Variants in WDR45B observed in about 807,000 individuals in gnomAD.
WDR45B encodes WD repeat domain phosphoinositide-interacting protein 3.
WDR45B carries 20 observed loss-of-function variants against 44.6 expected under a neutral mutation model. That is an observed-to-expected ratio of 0.45 (90% CI 0.32 to 0.65). WDR45B has a LOEUF of 0.65. WDR45B is among the 30% of genes least tolerant of loss of function. The pLI is 0.05. For synonymous variants in WDR45B, 169 were observed against 164.9 expected, an observed-to-expected ratio of 1.02 and a Z score of -0.19; for missense variants, 323 against 430.2, an observed-to-expected ratio of 0.75 and a Z score of 2.20.
chr17:82,648,007 G>A (rs2046003365), intron 1 of WDR45B, among the ~76,000 whole-genome samples: 1 of 132,580 alleles, frequency 7.5e-6, no homozygotes, highest in African/African-American at 2.8e-5. Context: ...CGGGACGGCC[G>A]GCTGGGAGCG....
rs1161169487 is a variant in WDR45B at position 82,625,450 on chromosome 17, C to G, written c.366G>C (p.Val122=). The change falls in exon 5 of 10, where the codon GTG becomes GTC. Residue 122 remains valine, a synonymous_variant. Transcript: ENST00000392325. ...GATGGGGATTGTGTGTGAATGTGAA[C>G]ACCTTAATCATGGAGTCCAAAACCA... ...IVVVLDSMIK[V]FTFTHNPHQL... 6.2e-7 allele frequency: 1 copy of G among 1,614,204 alleles called. No individual in the cohort carries two copies. The highest frequency in any genetic ancestry group is 1.1e-5 in the South Asian group (1 of 91,084).
chr17:82,624,028 A>G (rs2045658325), intron 5 of WDR45B, among the ~76,000 whole-genome samples: 2 of 152,036 alleles, frequency 1.3e-5, no homozygotes, highest in East Asian at 1.9e-4. Context: ...CACAACCACA[A>G]CATGGTTGTG....
intron 3 of WDR45B, among the ~76,000 whole-genome samples, chr17:82,627,922 A>G (rs2045720083): frequency 6.6e-6 from 1 of 152,238 alleles, no homozygotes. Flanking sequence ...TTTTAAAGTG[A>G]AATCAGAGGG....
rs2045506521 is a variant in WDR45B at position 82,614,654 on chromosome 17, CAT to C, written c.*1263_*1264del. The stretch of plus-strand genomic sequence containing the variant: ...AAATTAAACATCATGATTAAATACA[CAT>C]GAAAGGAACATGCATACTTTACAGC... On this transcript the variant is annotated 3_prime_UTR_variant, in exon 10 of 10. Coordinates refer to ENST00000392325, the MANE Select transcript of WDR45B (RefSeq NM_019613.4). The C allele has an allele frequency of 6.6e-6, 1 of 152,560 alleles. No homozygotes were observed. Among genetic ancestry groups the C allele is most frequent in the South Asian group, 2.1e-4 (1 of 4,830 alleles). The allele number at this position is 152,560 out of a possible 1,614,324, so 9.5% of individuals were successfully genotyped here. A position where few individuals can be genotyped will look rare whatever the true frequency, so the allele number is the denominator to read the frequency against.
chr17:82,648,379 TGCCTCTCGCTGGGGACGGCG>T lies in WDR45B; in HGVS notation c.-59_-40del, dbSNP rs1003760174. 1 of 1,594,184 alleles carries T rather than the reference TGCCTCTCGCTGGGGACGGCG, an allele frequency of 6.3e-7. No homozygotes were observed. The highest frequency in any genetic ancestry group is 8.5e-7 in the Non-Finnish European group (1 of 1,172,254). Reference sequence around the variant, plus strand: ...TGGGTCGCCGCTCCTCAGCGCTGCATGCCTCTCGCTGGGGACGGCGGCCTGGTCCCTTCGGGCCGGCGCTG... The same window carrying T: ...TGGGTCGCCGCTCCTCAGCGCTGCATGCCTGGTCCCTTCGGGCCGGCGCTG... On this transcript the variant is annotated 5_prime_UTR_variant, in exon 1 of 10. Coordinates refer to ENST00000392325, the MANE Select transcript of WDR45B (RefSeq NM_019613.4).
chr17:82,643,840 TTTAC>T (rs1568017963), intron 2 of WDR45B, 105 bp downstream of exon 2: 6 of 1,069,706 alleles, frequency 5.6e-6, no homozygotes, highest in Non-Finnish European at 8.5e-6. Flanking sequence ...ATGAACCCTA[TTTAC>T]TTCTCGAAAA....
chr17:82,639,810 G>A (rs2045886588), intron 2 of WDR45B, among the ~76,000 whole-genome samples: 1 of 147,514 alleles, frequency 6.8e-6, no homozygotes, highest in Non-Finnish European at 1.5e-5. Context: ...CTGCTGGGCT[G>A]TGTGTGTGTC....
chr17:82,625,920 T>A, intron 4 of WDR45B: 1 of 245,308 alleles, frequency 4.1e-6, no homozygotes, highest in Non-Finnish European at 8.1e-6. Context: ...AGTCTCACTC[T>A]GTCGCTCAGG....
intron 2 of WDR45B, among the ~76,000 whole-genome samples, chr17:82,636,843 A>G (rs2045839237): frequency 6.6e-6 from 1 of 151,880 alleles, no homozygotes; most frequent in Non-Finnish European, 1.5e-5. Context: ...TTCCCCTGAA[A>G]CTGCACGTCT....
chr17:82,622,828 G>A (rs2045637017), intron 5 of WDR45B, among the ~76,000 whole-genome samples: 1 of 151,540 alleles, frequency 6.6e-6, no homozygotes, highest in African/African-American at 2.4e-5. Context: ...GATAAAGACA[G>A]AAACACAGAT....
At chr17:82,645,692 A>G (rs2143392080) in intron 1 of WDR45B, among the ~76,000 whole-genome samples, 1 of 152,344 alleles carries the variant, frequency 6.6e-6, no homozygotes, top group Middle Eastern at 3.4e-3. Context: ...ACTGAGAGAC[A>G]TCTTCTAGAT....
At chr17:82,638,608 C>T (rs1251232564) in intron 2 of WDR45B, among the ~76,000 whole-genome samples, 1 of 151,946 alleles carries the variant, frequency 6.6e-6, no homozygotes, top group African/African-American at 2.4e-5. Context: ...AAATGAATCA[C>T]TTTATACAAA....
chr17:82,622,116 A>AC (rs1568003725), intron 5 of WDR45B, among the ~76,000 whole-genome samples: 1 of 152,132 alleles, frequency 6.6e-6, no homozygotes, highest in Non-Finnish European at 1.5e-5. Flanking sequence ...GTCAGGGTAC[A>AC]CGCCACCGAA....
rs760378974 is a variant in WDR45B at position 82,616,530 on chromosome 17, C to T, written c.922G>A (p.Val308Ile). The T allele has an allele frequency of 9.9e-6, 16 of 1,614,080 alleles. No individual in the cohort carries two copies. In the Admixed American group the frequency reaches 1.0e-4, roughly 10 times the overall value. Residue 308 changes from valine to isoleucine, a missense_variant, in exon 9 of 10, where the codon GTC becomes ATC. Physicochemically the swap from Val to Ile is conservative, Grantham distance 29. Coordinates refer to ENST00000392325, the MANE Select transcript of WDR45B (RefSeq NM_019613.4). ...ICAFGTEPNA[V>I]IAICADGSYY... is the part of the protein sequence containing the mutation. ...TCCAGGAAGGACCACTCACCAATGA[C>T]GGCGTTTGGCTCTGTTCCAAAGGCA...
chr17:82,631,172 C>A, intron 2 of WDR45B, 150 bp from the exon 3 acceptor site: 1 of 722,210 alleles, frequency 1.4e-6, no homozygotes, highest in Admixed American at 2.2e-5. Flanking sequence ...GGCTGGAATG[C>A]AGTAGCTATT....
rs971166471 is a variant in WDR45B at position 82,630,095 on chromosome 17, C to T, written c.244+826G>A. The T allele has an allele frequency of 1.9e-5, 12 of 625,348 alleles. No homozygotes were observed. In the Admixed American group the frequency reaches 3.2e-4, roughly 17 times the overall value. The allele number at this position is 625,348 out of a possible 1,614,324, so 38.7% of individuals were successfully genotyped here. ...CCTCCCGCCTGGCACTGGGCTCAGACGAGGATGCTTGCTCCACTTTTCCTG... is the reference window on the plus strand; with the variant it reads ...CCTCCCGCCTGGCACTGGGCTCAGATGAGGATGCTTGCTCCACTTTTCCTG... On this transcript the variant is annotated intron_variant, in intron 3 of 9. Transcript: ENST00000392325.
At chr17:82,628,807 G>A (rs547483657) in intron 3 of WDR45B, among the ~76,000 whole-genome samples, 33 of 152,094 alleles carry the variant, frequency 2.2e-4, no homozygotes, top group Middle Eastern at 6.8e-3. Context: ...TGAGACCAGC[G>A]TGGGCAACAT....
intron 3 of WDR45B, chr17:82,629,681 T>C: frequency 2.0e-6 from 2 of 985,250 alleles, no homozygotes; most frequent in African/African-American, 1.7e-5. Flanking sequence ...CTCACCCGAG[T>C]GTGGTCTCTC....
chr17:82,619,541 C>T (rs1364077877), intron 6 of WDR45B, among the ~76,000 whole-genome samples: 5 of 148,290 alleles, frequency 3.4e-5, no homozygotes, highest in African/African-American at 5.0e-5. Context: ...CACGGGAATC[C>T]GGCCATCAAA....
Sources: gnomAD v4.1 joint callset for allele counts (sites outside exome capture counted in the v4.1 genomes callset) on GRCh38, gnomAD v4.1.1 for gene constraint, MANE v1.5 for transcripts, NCBI Gene and HGNC (gene_info 2026-07-23, HGNC 2026-07-21) for gene names.